PARD3B: variants seen among roughly 807,000 people sequenced by gnomAD.
PARD3B encodes par-3 family cell polarity regulator beta.
A neutral mutation model predicts 130.2 loss-of-function variants in PARD3B; 103 were observed. That is an observed-to-expected ratio of 0.79 (90% confidence interval 0.67 to 0.93). The LOEUF (loss-of-function observed/expected upper bound fraction) is 0.93. PARD3B is among the 40% of genes least tolerant of loss of function. The pLI is 0.00. For missense variants in PARD3B, 1,609 were observed against 1,499.2 expected, an observed-to-expected ratio of 1.07 and a Z score of -1.21; for synonymous variants, 583 against 553.2, an observed-to-expected ratio of 1.05 and a Z score of -0.76.
At chr2:205,261,069 G>T (rs1317214189) in intron 16 of PARD3B, among the ~76,000 whole-genome samples, 1 of 152,004 alleles carries the variant, frequency 6.6e-6, no homozygotes, top group African/African-American at 2.4e-5. Flanking sequence ...TTTGTTGAAG[G>T]GCTTTCCTTT....
At chr2:204,920,480 G>A (rs16824682) in intron 2 of PARD3B, among the ~76,000 whole-genome samples, 3,322 of 152,178 alleles carry the variant, frequency 0.022, 116 homozygotes, top group African/African-American at 0.072. Context: ...ACAGCTCTAC[G>A]TTTGAGGCTA....
intron 1 of PARD3B, among the ~76,000 whole-genome samples, chr2:204,622,519 A>G (rs1258756193): frequency 6.6e-6 from 1 of 152,174 alleles, no homozygotes; most frequent in African/African-American, 2.4e-5. Flanking sequence ...TAGGTTAAAC[A>G]TGTCACATTA....
intron 4 of PARD3B, among the ~76,000 whole-genome samples, chr2:205,092,432 A>G (rs1559428987): frequency 6.6e-6 from 1 of 152,166 alleles, no homozygotes; most frequent in Non-Finnish European, 1.5e-5. Context: ...AAGGTAGCAG[A>G]GACAATACTT....
At chr2:204,919,335 A>C (rs962068245) in intron 2 of PARD3B, among the ~76,000 whole-genome samples, 12 of 152,310 alleles carry the variant, frequency 7.9e-5, no homozygotes, top group African/African-American at 2.9e-4. Context: ...TATCTGTGTC[A>C]TGTAAACTCC....
intron 10 of PARD3B, among the ~76,000 whole-genome samples, chr2:205,154,726 A>T (rs563509306): frequency 3.2e-4 from 48 of 152,328 alleles, no homozygotes; most frequent in African/African-American, 1.1e-3. Context: ...ATAAAAAAGG[A>T]TGAGTTCATG....
chr2:205,009,179 G>A lies in PARD3B; in HGVS notation c.395-38402G>A, dbSNP rs551561168. On this transcript the variant is annotated intron_variant, in intron 3 of 22. Transcript: ENST00000406610. Reference sequence around the variant, plus strand: ...AATTGAGACATTTGGGATATTTATAGTAACTAAAATAACATAAAATTGGTA... The same window carrying A: ...AATTGAGACATTTGGGATATTTATAATAACTAAAATAACATAAAATTGGTA... Among the ~76,000 whole-genome samples, 9 of 152,254 alleles carry A rather than the reference G, an allele frequency of 5.9e-5. No homozygotes were observed. The South Asian group carries it at 1.9e-3, about 32-fold the overall frequency.
intron 1 of PARD3B, among the ~76,000 whole-genome samples, chr2:204,569,938 G>A (rs1056291007): frequency 2.6e-5 from 4 of 152,182 alleles, no homozygotes; most frequent in South Asian, 2.1e-4. Context: ...TTCTCTGAAC[G>A]TTTGCCATCC....
intron 11 of PARD3B, 116 bp downstream of exon 11, chr2:205,159,023 G>A (rs537124387): frequency 5.3e-5 from 58 of 1,088,430 alleles, no homozygotes; most frequent in Non-Finnish European, 7.3e-5. Flanking sequence ...AGACTTTCCC[G>A]CCAGATACAA....
At chr2:204,553,514 A>G (rs1256844440) in intron 1 of PARD3B, among the ~76,000 whole-genome samples, 2 of 149,280 alleles carry the variant, frequency 1.3e-5, no homozygotes, top group African/African-American at 2.5e-5. Context: ...CCACCAGTCA[A>G]CGAGTGGGTA....
rs930871482 is a variant in PARD3B, at chr2:205,351,854, C to T, written c.2631-49159C>T. On this transcript the variant is annotated intron_variant, in intron 18 of 22. Transcript: ENST00000406610. The surrounding 1 kb of genome is among the most constrained non-coding windows in gnomAD (Gnocchi z 4.2). ...ACCAGAGACTTTGCTTAAAGAGGTACGTGACAGCTTCTGAGGGATCTGTTT... is the reference window on the plus strand; with the variant it reads ...ACCAGAGACTTTGCTTAAAGAGGTATGTGACAGCTTCTGAGGGATCTGTTT... Among the ~76,000 whole-genome samples the T allele has an allele frequency of 2.0e-5, 3 of 151,854 alleles. No individual in the cohort carries two copies. The highest frequency in any genetic ancestry group is 4.4e-5 in the Non-Finnish European group (3 of 67,984).
In PARD3B at chr2:204,807,705, A is replaced by G. The variant is rs539463399; in HGVS notation, c.222+121423A>G. Among the ~76,000 whole-genome samples the G allele has an allele frequency of 7.2e-5, 11 of 152,224 alleles. 1 individual carries two copies. In the South Asian group the frequency reaches 2.1e-3, roughly 29 times the overall value. On this transcript the variant is annotated intron_variant, in intron 2 of 22. Coordinates refer to ENST00000406610, the MANE Select transcript of PARD3B (RefSeq NM_001302769.2). Reference sequence around the variant, plus strand: ...TTTGCAACATGGATAGAACTGGAGGACATTGTGTTAAGTGAAATAAGCCAG... The same window carrying G: ...TTTGCAACATGGATAGAACTGGAGGGCATTGTGTTAAGTGAAATAAGCCAG...
At chr2:204,961,976 A>C (rs1553569353) in intron 2 of PARD3B, among the ~76,000 whole-genome samples, 1 of 152,070 alleles carries the variant, frequency 6.6e-6, no homozygotes, top group Non-Finnish European at 1.5e-5. Context: ...TTTGCTTTAG[A>C]GGGGAGGCAA....
At chr2:204,841,017 A>G (rs1215770500) in intron 2 of PARD3B, among the ~76,000 whole-genome samples, 1 of 152,084 alleles carries the variant, frequency 6.6e-6, no homozygotes, top group Non-Finnish European at 1.5e-5. Flanking sequence ...ACATAATTTG[A>G]TTCTTTCTTT....
intron 2 of PARD3B, among the ~76,000 whole-genome samples, chr2:204,854,365 TAGGTTAGAATAAAGACA>T (rs1445569396): frequency 1.3e-5 from 2 of 152,060 alleles, no homozygotes; most frequent in African/African-American, 4.8e-5. Flanking sequence ...GCTAAAAGTA[TAGGTTAGAATAAAGACA>T]AGGATTTTCC....
chr2:204,679,420 G>T (rs2036715578), intron 1 of PARD3B, among the ~76,000 whole-genome samples: 1 of 152,072 alleles, frequency 6.6e-6, no homozygotes, highest in South Asian at 2.1e-4. Flanking sequence ...CAAAGTGATT[G>T]TATACATTTA....
chr2:205,361,230 T>G (rs1176611317), intron 18 of PARD3B, among the ~76,000 whole-genome samples: 2 of 152,222 alleles, frequency 1.3e-5, no homozygotes, highest in Non-Finnish European at 2.9e-5. Flanking sequence ...CACATTCATC[T>G]CTGCAGGACA....
intron 4 of PARD3B, among the ~76,000 whole-genome samples, chr2:205,101,909 TC>T (rs1203264560): frequency 1.3e-5 from 2 of 152,284 alleles, no homozygotes; most frequent in East Asian, 3.8e-4. Context: ...GTTTGAGGTT[TC>T]TTTTTGGGGT....
At chr2:204,558,861 G>A (rs903394290) in intron 1 of PARD3B, among the ~76,000 whole-genome samples, 5 of 152,088 alleles carry the variant, frequency 3.3e-5, no homozygotes, top group Middle Eastern at 6.8e-3. Flanking sequence ...CCAATGGAAC[G>A]GAACAGAGGC....
intron 2 of PARD3B, among the ~76,000 whole-genome samples, chr2:204,880,303 G>C (rs2045990730): frequency 6.6e-6 from 1 of 152,116 alleles, no homozygotes; most frequent in Admixed American, 6.6e-5. Flanking sequence ...CTACTATTAT[G>C]TGTTATATAG....
Sources: gnomAD v4.1 joint callset for allele counts (sites outside exome capture counted in the v4.1 genomes callset) on GRCh38, gnomAD v4.1.1 for gene constraint, Gnocchi (gnomAD v3.1) non-coding constraint, MANE v1.5 for transcripts, NCBI Gene and HGNC (gene_info 2026-07-23, HGNC 2026-07-21) for gene names.